The following TSC22D1 variants were observed in gnomAD, a reference collection of about 807,000 sequenced individuals.
The protein encoded by TSC22D1 is TSC22 domain family member 1.
In TSC22D1, 9 loss-of-function variants were observed where a neutral mutation model predicts 74.2. That is an observed-to-expected ratio of 0.12 (90% CI 0.07 to 0.21). The LOEUF is 0.21. Among genes scored for constraint, TSC22D1 ranks in the 10% least tolerant of loss-of-function variants. The pLI, the probability that TSC22D1 is intolerant of heterozygous loss-of-function variation, is 1.00. For missense variants in TSC22D1, 1,427 were observed against 1,304.7 expected, an observed-to-expected ratio of 1.09 and a Z score of -1.44; for synonymous variants, 586 against 492.5, an observed-to-expected ratio of 1.19 and a Z score of -2.51.
intron 1 of TSC22D1, among the ~76,000 whole-genome samples, chr13:44,490,674 G>A (rs1340521439): frequency 1.3e-5 from 2 of 152,076 alleles, no homozygotes; most frequent in Non-Finnish European, 2.9e-5. Flanking sequence ...GAGGCGGGCA[G>A]ATCATCTGAG....
intron 2 of TSC22D1, chr13:44,435,158 G>A (rs112970876): frequency 3.2e-4 from 110 of 341,354 alleles, no homozygotes; most frequent in African/African-American, 2.3e-3. Flanking sequence ...GGCCAGAGCC[G>A]GGCGCTGGGT....
intron 1 of TSC22D1, among the ~76,000 whole-genome samples, chr13:44,518,865 C>T (rs1359978741): frequency 6.6e-6 from 1 of 152,160 alleles, no homozygotes; most frequent in African/African-American, 2.4e-5. Flanking sequence ...CAGAGATGAT[C>T]ACAAGTCAAA....
intron 1 of TSC22D1, among the ~76,000 whole-genome samples, chr13:44,466,313 C>T (rs889174153): frequency 6.6e-6 from 1 of 152,142 alleles, no homozygotes; most frequent in Non-Finnish European, 1.5e-5. Context: ...AATAATAGCA[C>T]GTACCATTTT....
At chr13:44,474,311 T>C (rs1877772911) in intron 1 of TSC22D1, 2 of 984,336 alleles carry the variant, frequency 2.0e-6, no homozygotes, top group African/African-American at 3.5e-5. Flanking sequence ...CAACTGACAC[T>C]CCTGGTGGAC....
intron 1 of TSC22D1, among the ~76,000 whole-genome samples, chr13:44,509,471 T>C (rs190317320): frequency 6.6e-6 from 1 of 152,290 alleles, no homozygotes; most frequent in East Asian, 1.9e-4. Context: ...AAACCCCGTC[T>C]CTATTAAAAA....
intron 1 of TSC22D1, among the ~76,000 whole-genome samples, chr13:44,494,421 G>A (rs1477708714): frequency 7.7e-6 from 1 of 129,922 alleles, no homozygotes; most frequent in Admixed American, 8.3e-5. Context: ...AGCCAAGCAT[G>A]GTAGCACATA....
intron 2 of TSC22D1, 148 bp downstream of exon 2, chr13:44,435,896 G>A (rs1874567187): frequency 3.5e-6 from 3 of 858,062 alleles, no homozygotes; most frequent in Admixed American, 2.1e-5. Context: ...GTGGCTCCAC[G>A]CTGGCCGAAT....
intron 1 of TSC22D1, among the ~76,000 whole-genome samples, chr13:44,535,920 G>A (rs1053546087): frequency 3.3e-5 from 5 of 151,722 alleles, no homozygotes; most frequent in Admixed American, 3.3e-4. Flanking sequence ...TAACTTCCAT[G>A]CCCAACCTAC....
At chr13:44,465,813 A>T (rs971693262) in intron 1 of TSC22D1, among the ~76,000 whole-genome samples, 3 of 152,128 alleles carry the variant, frequency 2.0e-5, no homozygotes, top group Non-Finnish European at 4.4e-5. Flanking sequence ...TCTCTACTAA[A>T]AATACAAAAA....
chr13:44,532,582 T>C (rs1446538982), intron 1 of TSC22D1, among the ~76,000 whole-genome samples: 1 of 152,124 alleles, frequency 6.6e-6, no homozygotes, highest in East Asian at 1.9e-4. Context: ...CTCGCCATTC[T>C]CCTGCCTCAG....
chr13:44,492,450 C>T (rs1878771115), intron 1 of TSC22D1, among the ~76,000 whole-genome samples: 1 of 152,158 alleles, frequency 6.6e-6, no homozygotes. Context: ...TAGAGACCAT[C>T]TGTACAGCTA....
At chr13:44,570,547 T>A (rs993405289) in intron 1 of TSC22D1, among the ~76,000 whole-genome samples, 2 of 152,142 alleles carry the variant, frequency 1.3e-5, no homozygotes, top group African/African-American at 4.8e-5. Flanking sequence ...ATACATAATC[T>A]TAGCATCCTG....
At chr13:44,486,378 C>G (rs1048754598) in intron 1 of TSC22D1, among the ~76,000 whole-genome samples, 2 of 152,128 alleles carry the variant, frequency 1.3e-5, no homozygotes, top group African/African-American at 4.8e-5. Context: ...TAAATCTAAG[C>G]AAAATGCATC....
chr13:44,442,981 G>C (rs1191273069), intron 1 of TSC22D1, among the ~76,000 whole-genome samples: 1 of 149,180 alleles, frequency 6.7e-6, no homozygotes, highest in East Asian at 1.9e-4. Flanking sequence ...ATAAGCTATG[G>C]GACAGTTTCA....
At chr13:44,455,758 G>A (rs1876548864) in intron 1 of TSC22D1, among the ~76,000 whole-genome samples, 1 of 152,148 alleles carries the variant, frequency 6.6e-6, no homozygotes, top group South Asian at 2.1e-4. Flanking sequence ...AGCTACTTCT[G>A]ACTAAGCATG....
chr13:44,543,601 C>T lies in TSC22D1; in HGVS notation c.2912+29562G>A, dbSNP rs149926654. ...AGTAAGAAGAAAAGGAAAGAACATGCTTAACAGAAGCAGTGTGTCTTTTAT... is the reference window on the plus strand; with the variant it reads ...AGTAAGAAGAAAAGGAAAGAACATGTTTAACAGAAGCAGTGTGTCTTTTAT... On this transcript the variant is annotated intron_variant, in intron 1 of 2. Coordinates refer to ENST00000458659, the MANE Select transcript of TSC22D1 (RefSeq NM_183422.4). 6.2e-4 allele frequency among the ~76,000 whole-genome samples: 94 copies of T among 152,284 alleles called. 2 individuals carry two copies. In the East Asian group the frequency reaches 0.017, roughly 27 times the overall value.
At chr13:44,435,847 C>G (rs1268276178) in intron 2 of TSC22D1, 197 bp downstream of exon 2, 1 of 628,808 alleles carries the variant, frequency 1.6e-6, no homozygotes, top group Admixed American at 2.8e-5. Context: ...CATTTAATAC[C>G]CGCAGGGCCC....
chr13:44,537,911 T>C, intron 1 of TSC22D1: 11 of 985,148 alleles, frequency 1.1e-5, no homozygotes, highest in Non-Finnish European at 1.3e-5. Flanking sequence ...AGAATGTCTA[T>C]TCTTAAAATG....
intron 1 of TSC22D1, among the ~76,000 whole-genome samples, chr13:44,550,972 T>C (rs1479850154): frequency 1.3e-5 from 2 of 149,210 alleles, no homozygotes; most frequent in Non-Finnish European, 3.0e-5. Context: ...CCGGGCATGG[T>C]GGCGCCCACC....
Sources: gnomAD v4.1 joint callset for allele counts (sites outside exome capture counted in the v4.1 genomes callset) on GRCh38, gnomAD v4.1.1 for gene constraint, MANE v1.5 for transcripts, NCBI Gene and HGNC (gene_info 2026-07-23, HGNC 2026-07-21) for gene names.